Variants in CDH13 observed in about 807,000 individuals in gnomAD.
CDH13 encodes cadherin-13.
In CDH13, 24 loss-of-function variants were observed where a neutral mutation model predicts 63.8. That is an observed-to-expected ratio of 0.38 (90% confidence interval 0.27 to 0.53). CDH13 has a LOEUF of 0.53. Ranked by LOEUF, CDH13 falls within the 20% of genes least tolerant of loss-of-function variation. The pLI is 0.85. For synonymous variants in CDH13, 503 were observed against 355.3 expected, an observed-to-expected ratio of 1.42 and a Z score of -4.67; for missense variants, 1,049 against 903.1, an observed-to-expected ratio of 1.16 and a Z score of -2.07.
chr16:83,057,960 A>G (rs2031118840), intron 3 of CDH13, among the ~76,000 whole-genome samples: 1 of 152,214 alleles, frequency 6.6e-6, no homozygotes, highest in African/African-American at 2.4e-5. Context: ...TGTCTTACAA[A>G]TGATATTTTT....
chr16:83,151,007 T>C (rs1207539322), intron 4 of CDH13, among the ~76,000 whole-genome samples: 4 of 152,212 alleles, frequency 2.6e-5, no homozygotes, highest in Non-Finnish European at 4.4e-5. Context: ...TTCATCTTTA[T>C]GTGAAACATG....
intron 1 of CDH13, among the ~76,000 whole-genome samples, chr16:82,805,403 C>G (rs2037091024): frequency 1.3e-5 from 2 of 152,186 alleles, no homozygotes; most frequent in African/African-American, 4.8e-5. Flanking sequence ...CTTATCTCAG[C>G]TATGCAGAGT....
chr16:83,175,763 T>C (rs2038094279), intron 4 of CDH13, among the ~76,000 whole-genome samples: 1 of 151,844 alleles, frequency 6.6e-6, no homozygotes, highest in African/African-American at 2.4e-5. Flanking sequence ...TTTATGTAAA[T>C]GTGTATAATA....
chr16:83,777,282 C>T (rs1011366590), intron 11 of CDH13, among the ~76,000 whole-genome samples: 3 of 152,226 alleles, frequency 2.0e-5, no homozygotes, highest in African/African-American at 7.2e-5. Flanking sequence ...GTACAGGTCC[C>T]TTGTGATGCT....
chr16:82,985,368 G>A (rs1311810935), intron 2 of CDH13, among the ~76,000 whole-genome samples: 1 of 152,126 alleles, frequency 6.6e-6, no homozygotes, highest in Non-Finnish European at 1.5e-5. Context: ...AGATCTTGAA[G>A]TAAGTAAAAC....
At chr16:82,903,156 G>A (rs930449636) in intron 2 of CDH13, among the ~76,000 whole-genome samples, 2 of 152,372 alleles carry the variant, frequency 1.3e-5, no homozygotes, top group East Asian at 3.9e-4. Flanking sequence ...TCTGCCTGTT[G>A]ACTTATTCAT....
intron 8 of CDH13, among the ~76,000 whole-genome samples, chr16:83,616,851 C>G (rs1909325029): frequency 1.3e-5 from 2 of 152,194 alleles, no homozygotes; most frequent in Admixed American, 1.3e-4. Context: ...TACAGCCTGC[C>G]TTCGTCTTAG....
At chr16:82,661,022 G>C (rs1232688243) in intron 1 of CDH13, among the ~76,000 whole-genome samples, 3 of 152,186 alleles carry the variant, frequency 2.0e-5, no homozygotes, top group Admixed American at 6.5e-5. Context: ...GGACATGGCA[G>C]TGGCCACTTC....
chr16:82,737,399 A>T (rs1268317720), intron 1 of CDH13, among the ~76,000 whole-genome samples: 2 of 151,860 alleles, frequency 1.3e-5, no homozygotes, highest in East Asian at 1.9e-4. Flanking sequence ...TTTCCATTTC[A>T]CCCACCGTTG....
intron 6 of CDH13, among the ~76,000 whole-genome samples, chr16:83,449,989 G>T (rs1184367092): frequency 6.6e-6 from 1 of 152,138 alleles, no homozygotes; most frequent in Non-Finnish European, 1.5e-5. Context: ...TCGCTAGCAG[G>T]GCAGAGGCAG....
chr16:83,332,874 C>T (rs1440177845), intron 5 of CDH13, among the ~76,000 whole-genome samples: 1 of 152,032 alleles, frequency 6.6e-6, no homozygotes, highest in African/African-American at 2.4e-5. Flanking sequence ...TGTGAGCGTG[C>T]ATACACATAA....
intron 1 of CDH13, chr16:82,823,172 C>A (rs1300872610): frequency 6.6e-6 from 1 of 152,158 alleles, no homozygotes; most frequent in Non-Finnish European, 1.5e-5. Context: ...TCAGAAGGCA[C>A]ACAGTGTCAC....
At chr16:83,371,107 C>T (rs78701440) in intron 6 of CDH13, among the ~76,000 whole-genome samples, 18,108 of 152,204 alleles carry the variant, frequency 0.12, 1,752 homozygotes, top group African/African-American at 0.26. Flanking sequence ...TTAGTTCAGA[C>T]GCTGTGGAAA....
At chr16:83,327,205 G>C (rs1354340743) in intron 5 of CDH13, among the ~76,000 whole-genome samples, 2 of 152,168 alleles carry the variant, frequency 1.3e-5, no homozygotes, top group Non-Finnish European at 2.9e-5. Context: ...ACACGTGTGA[G>C]AACAAAATCA....
intron 5 of CDH13, among the ~76,000 whole-genome samples, chr16:83,278,691 T>A (rs1310382582): frequency 5.9e-5 from 9 of 152,162 alleles, no homozygotes; most frequent in Admixed American, 5.9e-4. Flanking sequence ...CAGGGTAGTC[T>A]TTCATATGTC....
chr16:82,900,170 C>T (rs904451755), intron 2 of CDH13, among the ~76,000 whole-genome samples: 4 of 152,180 alleles, frequency 2.6e-5, no homozygotes, highest in Non-Finnish European at 4.4e-5. Flanking sequence ...TGCTGGGCCC[C>T]TTTTAGATCA....
chr16:82,806,874 A>C (rs757931790), intron 1 of CDH13, among the ~76,000 whole-genome samples: 18 of 152,202 alleles, frequency 1.2e-4, no homozygotes, highest in Non-Finnish European at 2.1e-4. Flanking sequence ...ACAGTGTAAA[A>C]GGAGGAATTT....
intron 1 of CDH13, among the ~76,000 whole-genome samples, chr16:82,847,622 C>G (rs568307707): frequency 2.6e-5 from 4 of 152,194 alleles, no homozygotes; most frequent in Admixed American, 1.3e-4. Context: ...GATTCCCAAC[C>G]TTAATTACCC....
intron 6 of CDH13, among the ~76,000 whole-genome samples, chr16:83,346,039 AC>A (rs1425714319): frequency 6.6e-6 from 1 of 152,044 alleles, no homozygotes; most frequent in Non-Finnish European, 1.5e-5. Flanking sequence ...GATGCCTAAA[AC>A]CTCCCGTCAG....
Sources: gnomAD v4.1 joint callset for allele counts (sites outside exome capture counted in the v4.1 genomes callset) on GRCh38, gnomAD v4.1.1 for gene constraint, MANE v1.5 for transcripts, NCBI Gene and HGNC (gene_info 2026-07-23, HGNC 2026-07-21) for gene names.